The following ILRUN variants were observed in gnomAD, a reference collection of about 807,000 sequenced individuals.
ILRUN encodes the protein protein ILRUN.
ILRUN carries 3 observed loss-of-function variants against 33.8 expected under a neutral mutation model. The observed-to-expected ratio is 0.09, with a 90% CI of 0.04 to 0.23. The LOEUF (loss-of-function observed/expected upper bound fraction) is 0.23. ILRUN is among the 10% of genes least tolerant of loss of function. ILRUN has a pLI of 1.00. For missense variants in ILRUN, 210 were observed against 375.1 expected (o/e 0.56, Z 3.64); for synonymous variants, 124 against 138.9 (o/e 0.89, Z 0.75).
chr6:34,690,946 G>A (rs758233906), intron 1 of ILRUN, among the ~76,000 whole-genome samples: 1 of 152,132 alleles, frequency 6.6e-6, no homozygotes, highest in African/African-American at 2.4e-5. Context: ...GTGCAGTGGC[G>A]TGATCTCGGC....
At chr6:34,683,463 C>CATATATATATACATATATAT (rs768330830) in intron 1 of ILRUN, among the ~76,000 whole-genome samples, 1 of 102,710 alleles carries the variant, frequency 9.7e-6, no homozygotes, top group East Asian at 2.7e-4. Flanking sequence ...CATATATATA[C>CATATATATATACATATATAT]ATATATATAC....
chr6:34,658,482 TTC>T (rs774331711), intron 1 of ILRUN, among the ~76,000 whole-genome samples: 89 of 144,908 alleles, frequency 6.1e-4, no homozygotes, highest in South Asian at 5.2e-3. Context: ...GAAATAATTT[TTC>T]TTTTTCTTTT....
intron 3 of ILRUN, among the ~76,000 whole-genome samples, chr6:34,643,171 C>T (rs955871512): frequency 4.0e-5 from 6 of 148,636 alleles, no homozygotes; most frequent in African/African-American, 1.5e-4. Context: ...TGGTGGTGAG[C>T]GCCTGTAATC....
At position 34,680,634 on chromosome 6, in the gene ILRUN, G is replaced by A. The variant is rs181741894; in HGVS notation, c.158+15812C>T. Reference sequence around the variant, plus strand: ...CACCTGGCTAAATTTTGTATTTTTAGTAGAAACAAGGTTTCACCACGTTGG... The same window carrying A: ...CACCTGGCTAAATTTTGTATTTTTAATAGAAACAAGGTTTCACCACGTTGG... On this transcript the variant is annotated intron_variant, in intron 1 of 4. Transcript: ENST00000374023. Among the ~76,000 whole-genome samples, 17 of 152,142 alleles carry A rather than the reference G, an allele frequency of 1.1e-4. No homozygotes were observed. In the East Asian group the frequency reaches 3.3e-3, roughly 29 times the overall value.
At chr6:34,618,753 G>C (rs1446094657) in intron 3 of ILRUN, among the ~76,000 whole-genome samples, 1 of 152,104 alleles carries the variant, frequency 6.6e-6, no homozygotes, top group Non-Finnish European at 1.5e-5. Flanking sequence ...TTTCCTTACA[G>C]TCTTCCCTCT....
At chr6:34,629,419 C>T (rs961485700) in intron 3 of ILRUN, among the ~76,000 whole-genome samples, 1 of 152,192 alleles carries the variant, frequency 6.6e-6, no homozygotes, top group East Asian at 1.9e-4. Flanking sequence ...CCTTCTGCCT[C>T]AGACTCCCAA....
chr6:34,612,154 CTG>C (rs2127327979), intron 3 of ILRUN, among the ~76,000 whole-genome samples: 1 of 152,304 alleles, frequency 6.6e-6, no homozygotes, highest in South Asian at 2.1e-4. Context: ...CCACTCACAT[CTG>C]TAATCCCAGC....
intron 3 of ILRUN, chr6:34,617,274 TA>T (rs1406763901): frequency 2.8e-6 from 1 of 357,178 alleles, no homozygotes; most frequent in African/African-American, 2.1e-5. Context: ...CTATCATGAT[TA>T]TTTTTCTAAT....
intron 3 of ILRUN, among the ~76,000 whole-genome samples, chr6:34,636,690 CTG>C (rs2127352618): frequency 6.6e-6 from 1 of 152,314 alleles, no homozygotes; most frequent in South Asian, 2.1e-4. Context: ...GCCCTCTACA[CTG>C]TTTAAGATAC....
At chr6:34,666,435 C>A (rs372175288) in intron 1 of ILRUN, among the ~76,000 whole-genome samples, 1 of 152,108 alleles carries the variant, frequency 6.6e-6, no homozygotes, top group African/African-American at 2.4e-5. Flanking sequence ...GTGTTGCATG[C>A]CTGTAATCCC....
chr6:34,671,719 C>T (rs760718170), intron 1 of ILRUN: 2 of 152,200 alleles, frequency 1.3e-5, no homozygotes, highest in African/African-American at 2.4e-5. Context: ...TTCCTAAGCC[C>T]TCCTAAAATA....
chr6:34,614,441 A>ATATATATATAT (rs1210392851), intron 3 of ILRUN, among the ~76,000 whole-genome samples: 4 of 112,028 alleles, frequency 3.6e-5, no homozygotes, highest in East Asian at 4.5e-4. Flanking sequence ...TAAAAAAAAA[A>ATATATATATAT]AAATATATAT....
At chr6:34,601,486 CATAAGCACTA>C (rs1761506595) in intron 4 of ILRUN, among the ~76,000 whole-genome samples, 2 of 152,056 alleles carry the variant, frequency 1.3e-5, no homozygotes, top group African/African-American at 2.4e-5. Flanking sequence ...TAATGCCTCA[CATAAGCACTA>C]GCCCAGTTGA....
chr6:34,640,351 AC>A (rs1454852270), intron 3 of ILRUN, among the ~76,000 whole-genome samples: 1 of 152,078 alleles, frequency 6.6e-6, no homozygotes, highest in African/African-American at 2.4e-5. Context: ...CCTGTAACTG[AC>A]TGAATACAGC....
At chr6:34,604,770 TCTATC>T (rs889758277) in intron 4 of ILRUN, among the ~76,000 whole-genome samples, 1 of 152,238 alleles carries the variant, frequency 6.6e-6, no homozygotes, top group African/African-American at 2.4e-5. Flanking sequence ...CCAATTTACT[TCTATC>T]CTATACAATT....
intron 2 of ILRUN, among the ~76,000 whole-genome samples, chr6:34,654,175 AAAAAGAGCTTTC>A (rs1228765890): frequency 2.6e-5 from 4 of 152,052 alleles, no homozygotes; most frequent in Non-Finnish European, 5.9e-5. Flanking sequence ...CAAAAAAAAA[AAAAAGAGCTTTC>A]AAAAGAGCAG....
intron 3 of ILRUN, among the ~76,000 whole-genome samples, chr6:34,618,089 C>T (rs1277546545): frequency 6.6e-6 from 1 of 152,158 alleles, no homozygotes; most frequent in Non-Finnish European, 1.5e-5. Context: ...AAACAAGGAT[C>T]CTTGCTTCCC....
intron 2 of ILRUN, among the ~76,000 whole-genome samples, chr6:34,648,852 T>C (rs962451436): frequency 4.6e-5 from 7 of 152,148 alleles, no homozygotes; most frequent in Admixed American, 1.3e-4. Context: ...ATCCCAAGAA[T>C]GTGTCTGTTT....
chr6:34,623,937 T>C (rs971242440), intron 3 of ILRUN, among the ~76,000 whole-genome samples: 3 of 152,148 alleles, frequency 2.0e-5, no homozygotes, highest in Non-Finnish European at 4.4e-5. Flanking sequence ...GTTCAAGCGA[T>C]TCTCGTGCCT....
Sources: gnomAD v4.1 joint callset for allele counts (sites outside exome capture counted in the v4.1 genomes callset) on GRCh38, gnomAD v4.1.1 for gene constraint, MANE v1.5 for transcripts, NCBI Gene and HGNC (gene_info 2026-07-23, HGNC 2026-07-21) for gene names.